The following EP400 variants were observed in gnomAD, a reference collection of about 807,000 sequenced individuals.
EP400 encodes E1A binding protein p400.
Under a neutral mutation model 354.1 loss-of-function variants are expected in EP400, and 105 were observed. That is an observed-to-expected ratio of 0.30 (90% confidence interval 0.25 to 0.35). The LOEUF is 0.35. EP400 is among the 10% of genes least tolerant of loss of function. The pLI is 1.00. For synonymous variants in EP400, 1,646 were observed against 1,716.9 expected (o/e 0.96, Z 1.02); for missense variants, 3,280 against 4,121.0 (o/e 0.80, Z 5.59).
At position 132,013,288 on chromosome 12, in the gene EP400, A is replaced by AAT; in HGVS notation, c.3611+111_3611+112dup. ...ACAAACAATGGCCTTTGAGCTAGAG[A>AAT]ATTGCTTTTCATCTTCATCCCAGCA... is the stretch of plus-strand genomic sequence containing the variant. On this transcript the variant is annotated intron_variant, in intron 17 of 52. Coordinates refer to ENST00000389561, the MANE Select transcript of EP400 (RefSeq NM_015409.5). This position sits in a 1 kb window ranked among gnomAD's most constrained non-coding sequence, Gnocchi z 4.5. 1 of 1,452,582 alleles carries AAT rather than the reference A, an allele frequency of 6.9e-7. No homozygotes were observed. Among genetic ancestry groups the AAT allele is most frequent in the Non-Finnish European group, 9.2e-7 (1 of 1,090,444 alleles). 90.0% of individuals were successfully genotyped at this position (1,452,582 alleles called of 1,614,324 possible).
At chr12:132,073,444 A>G (rs1157893301) in intron 51 of EP400, among the ~76,000 whole-genome samples, 1 of 113,430 alleles carries the variant, frequency 8.8e-6, no homozygotes, top group Non-Finnish European at 1.7e-5. Context: ...GTGCGTTTTA[A>G]TTCTGTCCCT....
rs1894776327 is a variant in EP400 at position 132,038,128 on chromosome 12, G to T, written c.6207+32G>T. On this transcript the variant is annotated intron_variant, in intron 32 of 52. Coordinates refer to ENST00000389561, the MANE Select transcript of EP400 (RefSeq NM_015409.5). This position sits in a 1 kb window ranked among gnomAD's most constrained non-coding sequence, Gnocchi z 4.2. Reference sequence around the variant, plus strand: ...ATACATTGAATCTGGCTGAAGAGTTGCACGGTGGGAGCCGGCGGAACACCT... The same window carrying T: ...ATACATTGAATCTGGCTGAAGAGTTTCACGGTGGGAGCCGGCGGAACACCT... 6.2e-7 allele frequency: 1 copy of T among 1,612,942 alleles called. No individual in the cohort carries two copies. The highest frequency in any genetic ancestry group is 1.1e-5 in the South Asian group (1 of 91,024).
intron 22 of EP400, among the ~76,000 whole-genome samples, chr12:132,020,822 C>G (rs1346904694): frequency 6.6e-6 from 1 of 152,184 alleles, no homozygotes; most frequent in East Asian, 1.9e-4. Context: ...GGGCTGACTT[C>G]TAACAGTTTC....
chr12:132,024,051 T>C, intron 24 of EP400, 110 bp downstream of exon 24: 1 of 1,221,678 alleles, frequency 8.2e-7, no homozygotes, highest in Non-Finnish European at 1.1e-6. Context: ...GGCTTTTCCC[T>C]GTGTCCGATG....
intron 45 of EP400, among the ~76,000 whole-genome samples, chr12:132,059,651 C>A (rs547034064): frequency 6.6e-6 from 1 of 152,050 alleles, no homozygotes; most frequent in African/African-American, 2.4e-5. Context: ...TGAGAATCAG[C>A]GGAATGACAG....
intron 32 of EP400, among the ~76,000 whole-genome samples, chr12:132,042,561 A>G (rs1272196242): frequency 3.3e-5 from 5 of 152,222 alleles, no homozygotes; most frequent in African/African-American, 9.6e-5. Flanking sequence ...CTATCTGGCA[A>G]TAAGTTCTGT....
At chr12:131,976,228 G>C (rs1464709217) in intron 2 of EP400, among the ~76,000 whole-genome samples, 1 of 151,982 alleles carries the variant, frequency 6.6e-6, no homozygotes, top group Non-Finnish European at 1.5e-5. Flanking sequence ...CTAGTACGTG[G>C]GTCATCTTGA....
intron 12 of EP400, 187 bp downstream of exon 12, chr12:131,995,143 G>T: frequency 1.9e-6 from 1 of 532,714 alleles, no homozygotes; most frequent in East Asian, 3.4e-5. Context: ...GTTGTGTGTC[G>T]GACACTGCCC....
Position 132,020,163 on chromosome 12 carries a change from C to A in EP400, c.4392C>A (p.Gly1464=). ...CCACGGCCTCTGCTGCTCCACAGGGCCCGCTTCGAGGACGGCCGCCCATCG... is the reference window on the plus strand; with the variant it reads ...CCACGGCCTCTGCTGCTCCACAGGGACCGCTTCGAGGACGGCCGCCCATCG... The part of the protein sequence containing the change: ...APTTASAAPQ[G]PLRGRPPIAT... The change falls in exon 22 of 53, where the codon GGC becomes GGA. Residue 1464 remains glycine (G), a synonymous_variant. Coordinates refer to ENST00000389561, the MANE Select transcript of EP400 (RefSeq NM_015409.5). 6.2e-7 allele frequency: 1 copy of A among 1,611,228 alleles called. No individual in the cohort carries two copies. Among genetic ancestry groups the A allele is most frequent in the Admixed American group, 1.7e-5 (1 of 59,482 alleles).
At chr12:132,069,298 C>T (rs540861203) in intron 50 of EP400, 197 bp from the exon 51 acceptor site, 10 of 697,720 alleles carry the variant, frequency 1.4e-5, no homozygotes, top group South Asian at 5.4e-5. Flanking sequence ...GCGGCCATGC[C>T]GCATGGGCAG....
rs139666996 is a variant in EP400, at chr12:131,960,745, C to T, written c.126C>T (p.Phe42=). The change falls in exon 2 of 53, where the codon TTC becomes TTT. Residue 42 remains phenylalanine (F), a synonymous_variant. Transcript: ENST00000389561. ...CACCCCCGTCCCCCGCAGCTCCCTT[C>T]GCTCCCTCAGCAAGCCCGTCGGCAC... ...PNPPPSPAAP[F]APSASPSAPQ... is the part of the protein sequence containing the mutation. 26 of 1,606,784 alleles carry T rather than the reference C, an allele frequency of 1.6e-5. 1 individual carries two copies. The highest frequency in any genetic ancestry group is 1.3e-4 in the South Asian group (12 of 90,862).
chr12:132,004,935 A>G, intron 12 of EP400, 142 bp from the exon 13 acceptor site: 1 of 714,526 alleles, frequency 1.4e-6, no homozygotes, highest in Non-Finnish European at 2.6e-6. Context: ...CCAAGGAGTG[A>G]TCTAAAGCTG....
chr12:132,013,428 ATGC>A lies in EP400; in HGVS notation c.3612-55_3612-53del, dbSNP rs1199780409. The A allele has an allele frequency of 4.0e-6, 6 of 1,507,002 alleles. No individual in the cohort carries two copies. In the South Asian group the frequency reaches 8.0e-5, roughly 20 times the overall value. The allele number at this position is 1,507,002 out of a possible 1,614,324, so 93.4% of individuals were successfully genotyped here. Reference sequence around the variant, plus strand: ...CTTTTCTCACACATTGTCAGAGAAGATGCTGCTGCAGCCAGCCCCGTGGCTGTA... The same window carrying A: ...CTTTTCTCACACATTGTCAGAGAAGATGCTGCAGCCAGCCCCGTGGCTGTA... On this transcript the variant is annotated intron_variant, in intron 17 of 52. Coordinates refer to ENST00000389561, the MANE Select transcript of EP400 (RefSeq NM_015409.5). This position sits in a 1 kb window ranked among gnomAD's most constrained non-coding sequence, Gnocchi z 4.5.
At chr12:132,001,529 CTG>C (rs947768699) in intron 12 of EP400, among the ~76,000 whole-genome samples, 7 of 152,194 alleles carry the variant, frequency 4.6e-5, no homozygotes, top group Admixed American at 1.3e-4. Flanking sequence ...CTCCGGATAA[CTG>C]TGCGTGGGCC....
chr12:132,067,218 T>G lies in EP400; in HGVS notation c.8750-144T>G. ...ATTTGTGAACCCAGAAACATTTTAA[T>G]GTAGTTAAGGGATGGCTTACTTGTC... On this transcript the variant is annotated intron_variant, in intron 49 of 52. Coordinates refer to ENST00000389561, the MANE Select transcript of EP400 (RefSeq NM_015409.5). This position sits in a 1 kb window ranked among gnomAD's most constrained non-coding sequence, Gnocchi z 5.3. 1 of 1,278,664 alleles carries G rather than the reference T, an allele frequency of 7.8e-7. No homozygotes were observed. Among genetic ancestry groups the G allele is most frequent in the Non-Finnish European group, 1.1e-6 (1 of 927,260 alleles). The allele number at this position is 1,278,664 out of a possible 1,614,324, so 79.2% of individuals were successfully genotyped here. A position where few individuals can be genotyped will look rare whatever the true frequency, so the allele number is the denominator to read the frequency against.
At chr12:131,988,256 T>A (rs1161070164) in intron 7 of EP400, among the ~76,000 whole-genome samples, 1 of 152,128 alleles carries the variant, frequency 6.6e-6, no homozygotes, top group Non-Finnish European at 1.5e-5. Context: ...TGTAATTAAG[T>A]CTCTGAGGTG....
chr12:132,027,945 G>T lies in EP400; in HGVS notation c.5110-72G>T, dbSNP rs907087222. 18 of 1,516,516 alleles carry T rather than the reference G, an allele frequency of 1.2e-5. No individual in the cohort carries two copies. The highest frequency in any genetic ancestry group is 4.9e-5 in the South Asian group (4 of 81,250). 93.9% of individuals were successfully genotyped at this position (1,516,516 alleles called of 1,614,324 possible). A position where few individuals can be genotyped will look rare whatever the true frequency, so the allele number is the denominator to read the frequency against. ...ATATGTGGGAAATCACGGGCTGGGT[G>T]GGGGGTTGGTGAAGACAGGAACTTG... On this transcript the variant is annotated intron_variant, in intron 26 of 52. Coordinates refer to ENST00000389561, the MANE Select transcript of EP400 (RefSeq NM_015409.5). This position sits in a 1 kb window ranked among gnomAD's most constrained non-coding sequence, Gnocchi z 4.9.
intron 51 of EP400, among the ~76,000 whole-genome samples, chr12:132,074,510 GT>G (rs1019468821): frequency 6.6e-6 from 1 of 152,158 alleles, no homozygotes; most frequent in Non-Finnish European, 1.5e-5. Context: ...TGTCTTTGTT[GT>G]TTTGCAGTTT....
chr12:132,010,073 C>T (rs1050241664), intron 15 of EP400, among the ~76,000 whole-genome samples: 10 of 149,308 alleles, frequency 6.7e-5, no homozygotes, highest in Non-Finnish European at 1.3e-4. Flanking sequence ...TTTACCTACT[C>T]TGAGGTTGTG....
Sources: allele counts gnomAD v4.1 joint callset (sites outside exome capture counted in the v4.1 genomes callset), GRCh38; gene constraint gnomAD v4.1.1; non-coding constraint Gnocchi (gnomAD v3.1); transcripts MANE v1.5; gene names NCBI Gene and HGNC (gene_info 2026-07-23, HGNC 2026-07-21).